DYSF: variants seen among roughly 807,000 people sequenced by gnomAD.
DYSF encodes the protein dysferlin.
Under a neutral mutation model 274.9 loss-of-function variants are expected in DYSF, and 212 were observed. That is an observed-to-expected ratio of 0.77 (90% CI 0.69 to 0.86). The LOEUF (loss-of-function observed/expected upper bound fraction) is 0.86, where lower values mean the gene tolerates loss of function less well. Ranked by LOEUF, DYSF falls within the 40% of genes least tolerant of loss-of-function variation. The pLI, the probability that DYSF is intolerant of heterozygous loss-of-function variation, is 0.00. For synonymous variants in DYSF, 1,091 were observed against 1,078.7 expected (o/e 1.01, Z -0.22); for missense variants, 2,666 against 2,783.2 (o/e 0.96, Z 0.95).
chr2:71,535,386 C>T (rs1310362313), intron 16 of DYSF, 75 bp downstream of exon 16: 1 of 1,418,804 alleles, frequency 7.0e-7, no homozygotes, highest in African/African-American at 1.4e-5. Flanking sequence ...TCATTCGGCT[C>T]AGTGACTGGT....
chr2:71,664,368 G>T lies in DYSF; in HGVS notation c.5104G>T (p.Val1702Phe). The T allele has an allele frequency of 6.2e-7, 1 of 1,614,194 alleles. No homozygotes were observed. The highest frequency in any genetic ancestry group is 8.5e-7 in the Non-Finnish European group (1 of 1,180,036). The change falls in exon 46 of 56, where the codon GTC becomes TTC. Residue 1702 changes from valine (V) to phenylalanine (F), a missense_variant. By Grantham distance (50) the Val-to-Phe change is conservative. This residue lies in a region of DYSF where 1,460 missense variants were observed against 1,502.1 expected (regional missense o/e 0.97). Coordinates refer to ENST00000410020, the MANE Select transcript of DYSF (RefSeq NM_001130987.2). ...LSKDEKIGET[V>F]VDLENRLLSK... ...CAAGGACGAAAAGATCGGTGAGACG[G>T]TCGTCGACCTGGAGAACAGGCTGCT...
chr2:71,670,315 G>A (rs973450535), intron 51 of DYSF, among the ~76,000 whole-genome samples: 3 of 152,228 alleles, frequency 2.0e-5, no homozygotes, highest in Non-Finnish European at 2.9e-5. Context: ...GGGTCTGAGT[G>A]GGTAGAGTAG....
At chr2:71,588,544 C>T (rs2093148972) in intron 30 of DYSF, among the ~76,000 whole-genome samples, 1 of 151,964 alleles carries the variant, frequency 6.6e-6, no homozygotes, top group African/African-American at 2.4e-5. Flanking sequence ...CAGGGTGGCC[C>T]AGCAGAAGAA....
chr2:71,684,887 C>T (rs752088381), intron 55 of DYSF, among the ~76,000 whole-genome samples: 1 of 152,214 alleles, frequency 6.6e-6, no homozygotes, highest in Non-Finnish European at 1.5e-5. Flanking sequence ...CTCTGGCCTT[C>T]TGTGGCTGGG....
chr2:71,540,114 CTT>C (rs565221959), intron 17 of DYSF, among the ~76,000 whole-genome samples: 16 of 133,698 alleles, frequency 1.2e-4, no homozygotes, highest in Admixed American at 1.5e-4. Flanking sequence ...CTTTTTTTTT[CTT>C]TTTTTTTTTT....
At chr2:71,461,921 T>A (rs1489374159), upstream of DYSF, among the ~76,000 whole-genome samples, 2 of 152,224 alleles carry the variant, frequency 1.3e-5, no homozygotes, top group African/African-American at 4.8e-5. Flanking sequence ...TATTAAATGC[T>A]AAGTAGTCTT....
chr2:71,640,730 G>A (rs1312119362), intron 41 of DYSF, among the ~76,000 whole-genome samples: 2 of 142,688 alleles, frequency 1.4e-5, no homozygotes, highest in East Asian at 3.9e-4. Flanking sequence ...CTTCAGGAAT[G>A]AGATTAATCC....
chr2:71,576,329 T>C (rs2092697494), intron 30 of DYSF: 1 of 152,290 alleles, frequency 6.6e-6, no homozygotes, highest in South Asian at 2.1e-4. Flanking sequence ...ACAAGAAGAG[T>C]GCTCTGGTCA....
intron 21 of DYSF, among the ~76,000 whole-genome samples, chr2:71,554,469 G>A (rs1002803323): frequency 6.6e-6 from 1 of 152,178 alleles, no homozygotes; most frequent in African/African-American, 2.4e-5. Flanking sequence ...AGCAGGGCAG[G>A]TGGCCAAGGA....
At chr2:71,560,774 G>C (rs951167160) in intron 22 of DYSF, among the ~76,000 whole-genome samples, 1 of 152,194 alleles carries the variant, frequency 6.6e-6, no homozygotes, top group African/African-American at 2.4e-5. Context: ...GACGCTGCAG[G>C]GAGGGGAGGT....
intron 1 of DYSF, among the ~76,000 whole-genome samples, chr2:71,478,275 C>T (rs549797749): frequency 6.6e-6 from 1 of 150,548 alleles, no homozygotes; most frequent in African/African-American, 2.4e-5. Flanking sequence ...GCAGTGGTGC[C>T]ATCTCGGCTC....
At chr2:71,653,512 C>G (rs559948425) in intron 42 of DYSF, among the ~76,000 whole-genome samples, 5 of 151,586 alleles carry the variant, frequency 3.3e-5, no homozygotes, top group African/African-American at 4.9e-5. Context: ...CCTTTGTAGG[C>G]ACATGGATGA....
At chr2:71,590,092 C>G (rs542296561) in intron 31 of DYSF, 119 bp from the exon 32 acceptor site, 2 of 985,122 alleles carry the variant, frequency 2.0e-6, no homozygotes, top group Non-Finnish European at 3.2e-6. Flanking sequence ...TGTGGTTTCC[C>G]TCATTCAGCC....
At chr2:71,535,588 G>T (rs1321402960) in intron 16 of DYSF, among the ~76,000 whole-genome samples, 1 of 152,050 alleles carries the variant, frequency 6.6e-6, no homozygotes, top group Non-Finnish European at 1.5e-5. Flanking sequence ...GCAGGTGATG[G>T]CCCGGCAGGA....
intron 1 of DYSF, among the ~76,000 whole-genome samples, chr2:71,455,721 T>C (rs1057413283): frequency 2.6e-5 from 4 of 152,122 alleles, no homozygotes; most frequent in African/African-American, 9.7e-5. Flanking sequence ...CCAGCACCTC[T>C]TCCCCATTTA....
At chr2:71,517,376 A>T (rs557203725) in intron 10 of DYSF, among the ~76,000 whole-genome samples, 6 of 152,312 alleles carry the variant, frequency 3.9e-5, no homozygotes, top group African/African-American at 1.4e-4. Context: ...TGCCCACCAC[A>T]TACGTTCTCA....
chr2:71,639,598 C>A (rs1375091840), intron 41 of DYSF, among the ~76,000 whole-genome samples: 3 of 152,250 alleles, frequency 2.0e-5, no homozygotes, highest in Non-Finnish European at 1.5e-5. Context: ...AATGTTTAAT[C>A]ATATGGAGGT....
intron 16 of DYSF, 117 bp from the exon 17 acceptor site, chr2:71,539,040 C>A: frequency 1.2e-6 from 1 of 857,308 alleles, no homozygotes; most frequent in Non-Finnish European, 2.0e-6. Context: ...ACCAGAAGCG[C>A]TCTCTGCCTG....
At chr2:71,501,140 C>T (rs377608086) in intron 3 of DYSF, among the ~76,000 whole-genome samples, 34 of 152,232 alleles carry the variant, frequency 2.2e-4, no homozygotes, top group African/African-American at 7.9e-4. Context: ...AGGAATGGAA[C>T]ACAAATCAGT....
Sources: allele counts gnomAD v4.1 joint callset (sites outside exome capture counted in the v4.1 genomes callset), GRCh38; gene constraint gnomAD v4.1.1; regional missense constraint gnomAD v4.1.1; transcripts MANE v1.5; gene names NCBI Gene and HGNC (gene_info 2026-07-23, HGNC 2026-07-21).